APLP2: variants seen among roughly 807,000 people sequenced by gnomAD.
APLP2 encodes amyloid beta precursor like protein 2.
Under a neutral mutation model 89.9 loss-of-function variants are expected in APLP2, and 53 were observed. That is an observed-to-expected ratio of 0.59 (90% CI 0.47 to 0.74). APLP2 has a LOEUF of 0.74. Ranked by LOEUF, APLP2 falls within the 30% of genes least tolerant of loss-of-function variation. The probability of loss-of-function intolerance (pLI) is 0.00; values close to 1 mark genes in which losing one functional copy is unlikely to be tolerated. For missense variants in APLP2, 973 were observed against 975.9 expected, an observed-to-expected ratio of 1.00 and a Z score of 0.04; for synonymous variants, 372 against 348.6, an observed-to-expected ratio of 1.07 and a Z score of -0.75.
At chr11:130,103,699 G>T (rs563574835) in intron 1 of APLP2, among the ~76,000 whole-genome samples, 55 of 152,230 alleles carry the variant, frequency 3.6e-4, no homozygotes, top group African/African-American at 1.3e-3. Flanking sequence ...ACCATTCCAC[G>T]CTGTGGCTTG....
chr11:130,085,444 T>TC (rs1431736707), intron 1 of APLP2, among the ~76,000 whole-genome samples: 1 of 137,292 alleles, frequency 7.3e-6, no homozygotes, highest in Non-Finnish European at 1.5e-5. Flanking sequence ...AGAGCGAGAC[T>TC]CCATCTCAAA....
At chr11:130,125,271 G>C (rs976973573) in intron 7 of APLP2, among the ~76,000 whole-genome samples, 3 of 152,276 alleles carry the variant, frequency 2.0e-5, no homozygotes, top group Non-Finnish European at 4.4e-5. Flanking sequence ...TCCCAGGGAG[G>C]CTGGAAGCAG....
chr11:130,103,026 A>C (rs1325666518), intron 1 of APLP2, among the ~76,000 whole-genome samples: 2 of 152,232 alleles, frequency 1.3e-5, no homozygotes, highest in Non-Finnish European at 1.5e-5. Context: ...AGAGGATTCC[A>C]GGTTTACAGG....
chr11:130,126,078 C>G lies in APLP2; in HGVS notation c.1091-622C>G, dbSNP rs146657159. Among the ~76,000 whole-genome samples, 526 of 152,260 alleles carry G rather than the reference C, an allele frequency of 3.5e-3. 1 individual carries two copies. The highest frequency in any genetic ancestry group is 0.012 in the African/African-American group (503 of 41,552). On this transcript the variant is annotated intron_variant, in intron 7 of 16. Transcript: ENST00000338167. ...TCAAATAGAGCAACTCAGTTTTATC[C>G]TTGTTGGTTCTGTCACTGATGGTGG... is the stretch of plus-strand genomic sequence containing the variant.
In APLP2 at chr11:130,069,944, T is replaced by C. The variant is rs1321136871; in HGVS notation, c.-34T>C. On this transcript the variant is annotated 5_prime_UTR_variant, in exon 1 of 17. Transcript: ENST00000338167. Reference sequence around the variant, plus strand: ...AAGCGAGGAGTCCGAGTGTGTGAGCTTGAGAGCCGCGCGCTAGAGCGACCC... The same window carrying C: ...AAGCGAGGAGTCCGAGTGTGTGAGCCTGAGAGCCGCGCGCTAGAGCGACCC... The C allele has an allele frequency of 1.0e-5, 15 of 1,470,516 alleles. No homozygotes were observed. Among genetic ancestry groups the C allele is most frequent in the Non-Finnish European group, 1.4e-5 (15 of 1,103,874 alleles). 91.1% of individuals were successfully genotyped at this position (1,470,516 alleles called of 1,614,324 possible). A position where few individuals can be genotyped will look rare whatever the true frequency, so the allele number is the denominator to read the frequency against.
intron 1 of APLP2, among the ~76,000 whole-genome samples, chr11:130,076,769 C>G (rs966345171): frequency 6.6e-6 from 1 of 152,196 alleles, no homozygotes; most frequent in Non-Finnish European, 1.5e-5. Flanking sequence ...GAGATAGTCT[C>G]TTCCTGTATA....
chr11:130,092,657 A>G (rs1330105879), intron 1 of APLP2, among the ~76,000 whole-genome samples: 1 of 121,878 alleles, frequency 8.2e-6, no homozygotes, highest in Non-Finnish European at 1.7e-5. Context: ...CCGAGATGGC[A>G]GCAGTACAGT....
chr11:130,073,055 T>A (rs1941429339), intron 1 of APLP2, among the ~76,000 whole-genome samples: 1 of 152,214 alleles, frequency 6.6e-6, no homozygotes, highest in African/African-American at 2.4e-5. Context: ...AATAATTTGG[T>A]TATGCGAATT....
chr11:130,090,768 GA>G (rs2135520931), intron 1 of APLP2, among the ~76,000 whole-genome samples: 1 of 152,334 alleles, frequency 6.6e-6, no homozygotes, highest in African/African-American at 2.4e-5. Flanking sequence ...CGCTCTCAAT[GA>G]GCCGTTGGGC....
rs138257366 is a variant in APLP2 at position 130,089,397 on chromosome 11, C to T, written c.105+19315C>T. 2.5e-4 allele frequency among the ~76,000 whole-genome samples: 38 copies of T among 152,326 alleles called. No individual in the cohort carries two copies. The Middle Eastern group carries it at 0.014, about 55-fold the overall frequency. The stretch of plus-strand genomic sequence containing the variant: ...TCTGAAGGCTCAGCCCCTCATCCTC[C>T]GTAGCTGTCGCTCTCCTGTGCCAAG... On this transcript the variant is annotated intron_variant, in intron 1 of 16. Transcript: ENST00000338167.
chr11:130,076,235 C>T (rs1443403276), intron 1 of APLP2, among the ~76,000 whole-genome samples: 5 of 151,950 alleles, frequency 3.3e-5, no homozygotes, highest in Admixed American at 1.3e-4. Flanking sequence ...CCACCATGCC[C>T]GGCTAATTTT....
intron 13 of APLP2, among the ~76,000 whole-genome samples, chr11:130,140,012 T>C (rs538083122): frequency 6.6e-6 from 1 of 152,308 alleles, no homozygotes; most frequent in Admixed American, 6.5e-5. Flanking sequence ...ATGGGTGCTG[T>C]GGCAGCCGGG....
chr11:130,082,252 T>G (rs542717257), intron 1 of APLP2, among the ~76,000 whole-genome samples: 3 of 152,290 alleles, frequency 2.0e-5, no homozygotes, highest in Non-Finnish European at 4.4e-5. Flanking sequence ...GGCACGATTT[T>G]GGCTCACTAC....
At position 130,141,854 on chromosome 11, in the gene APLP2, G is replaced by A. The variant is rs759007889; in HGVS notation, c.1999-65G>A. On this transcript the variant is annotated intron_variant, in intron 15 of 16. Coordinates refer to ENST00000338167, the MANE Select transcript of APLP2 (RefSeq NM_001142276.2). This position sits in a 1 kb window ranked among gnomAD's most constrained non-coding sequence, Gnocchi z 4.2. ...CTTCCAGGAGCGTGGCCCTCAGTGA[G>A]TTACTTGCCTCACGGCTGCCAGATG... The A allele has an allele frequency of 1.3e-5, 20 of 1,548,970 alleles. No homozygotes were observed. The highest frequency in any genetic ancestry group is 2.3e-5 in the East Asian group (1 of 43,958).
At chr11:130,137,123 T>G in intron 13 of APLP2, 1 of 794,536 alleles carries the variant, frequency 1.3e-6, no homozygotes, top group Non-Finnish European at 2.1e-6. Flanking sequence ...AGGCAGGGTG[T>G]TTTTAAGGAG....
In APLP2 at chr11:130,121,740, G is replaced by C; in HGVS notation, c.643G>C (p.Glu215Gln). 1 of 1,610,446 alleles carries C rather than the reference G, an allele frequency of 6.2e-7. No individual in the cohort carries two copies. Among genetic ancestry groups the C allele is most frequent in the Non-Finnish European group, 8.5e-7 (1 of 1,179,122 alleles). The stretch of plus-strand genomic sequence containing the variant: ...AAAGATTATTGGATCTGTGTCAAAA[G>C]AAGAGGAAGAGGAAGATGAAGAGGA... ...QTKIIGSVSK[E>Q]EEEEDEEEEE... is the part of the protein sequence containing the mutation. The change falls in exon 5 of 17, where the codon GAA (glutamate) becomes CAA (glutamine). Residue 215 changes from glutamate (E) to glutamine (Q), a missense_variant. Glu to Gln is a conservative substitution (Grantham distance 29). Transcript: ENST00000338167.
chr11:130,091,857 C>T (rs866961739), intron 1 of APLP2, among the ~76,000 whole-genome samples: 53 of 142,948 alleles, frequency 3.7e-4, no homozygotes, highest in South Asian at 2.2e-3. Context: ...GGGTGGCTGC[C>T]GGGTGGAGAC....
In APLP2 at chr11:130,109,617, A is replaced by T; in HGVS notation, c.279+15A>T. 1 of 1,599,572 alleles carries T rather than the reference A, an allele frequency of 6.3e-7. No homozygotes were observed. On this transcript the variant is annotated intron_variant, in intron 2 of 16. Coordinates refer to ENST00000338167, the MANE Select transcript of APLP2 (RefSeq NM_001142276.2). ...ACTGTCAGGAGGTAAGAGTGTTGCC[A>T]GTAAGTTGAAAGTGTTATTTTTCTG...
At chr11:130,109,631 G>A (rs763053102) in intron 2 of APLP2, 29 bp downstream of exon 2, 1 of 1,590,478 alleles carries the variant, frequency 6.3e-7, no homozygotes, top group African/African-American at 1.4e-5. Flanking sequence ...AGTTGAAAGT[G>A]TTATTTTTCT....
Sources: gnomAD v4.1 joint callset for allele counts (sites outside exome capture counted in the v4.1 genomes callset) on GRCh38, gnomAD v4.1.1 for gene constraint, Gnocchi (gnomAD v3.1) non-coding constraint, MANE v1.5 for transcripts, NCBI Gene and HGNC (gene_info 2026-07-23, HGNC 2026-07-21) for gene names.